RAD51AP1: variants seen among roughly 807,000 people sequenced by gnomAD.
RAD51AP1 encodes RAD51 associated protein 1, also known as RAD51-associated protein 1.
RAD51AP1 carries 14 observed loss-of-function variants against 34.3 expected under a neutral mutation model. That is an observed-to-expected ratio of 0.41 (90% confidence interval 0.27 to 0.64). RAD51AP1 has a LOEUF of 0.64. Ranked by LOEUF, RAD51AP1 falls within the 30% of genes least tolerant of loss-of-function variation. The probability of loss-of-function intolerance (pLI) is 0.33; values close to 1 mark genes in which losing one functional copy is unlikely to be tolerated. For synonymous variants in RAD51AP1, 114 were observed against 129.8 expected (o/e 0.88, Z 0.83); for missense variants, 348 against 386.9 (o/e 0.90, Z 0.84).
At position 4,543,847 on chromosome 12, in the gene RAD51AP1, A is replaced by G. The variant is rs771213526; in HGVS notation, c.152A>G (p.Asn51Ser). ...TTAAAACAAGATAAACCAAAACCTA[A>G]CTTGAACAATCTCCGGAAAGAAGAA... ...KELKQDKPKP[N>S]LNNLRKEEIP... The change falls in exon 3 of 9, where the codon AAC (asparagine) becomes AGC (serine). Residue 51 changes from asparagine (N) to serine (S), a missense_variant. Asn to Ser is a conservative substitution (Grantham distance 46, BLOSUM62 1). Coordinates refer to ENST00000352618, the MANE Select transcript of RAD51AP1 (RefSeq NM_006479.5). The G allele has an allele frequency of 1.2e-6, 2 of 1,612,940 alleles. No individual in the cohort carries two copies. The highest frequency in any genetic ancestry group is 1.7e-6 in the Non-Finnish European group (2 of 1,179,196).
chr12:4,538,909 G>T lies in RAD51AP1; in HGVS notation c.-31G>T. ...GCCGCTGAAGCCAACAAGAATTTGA[G>T]AACTGTAAATACCAAGCCTTGAAAG... On this transcript the variant is annotated 5_prime_UTR_variant, in exon 1 of 9. Coordinates refer to ENST00000352618, the MANE Select transcript of RAD51AP1 (RefSeq NM_006479.5). 4 of 1,613,098 alleles carry T rather than the reference G, an allele frequency of 2.5e-6. No homozygotes were observed. Among genetic ancestry groups the T allele is most frequent in the African/African-American group, 1.3e-5 (1 of 75,032 alleles).
At chr12:4,554,173 A>G (rs1382792223) in intron 7 of RAD51AP1, among the ~76,000 whole-genome samples, 2 of 152,164 alleles carry the variant, frequency 1.3e-5, no homozygotes, top group Non-Finnish European at 2.9e-5. Flanking sequence ...AGGCTCTAGG[A>G]GACAAACCAC....
intron 6 of RAD51AP1, among the ~76,000 whole-genome samples, chr12:4,549,991 G>A (rs1180688716): frequency 2.6e-5 from 4 of 152,116 alleles, no homozygotes; most frequent in African/African-American, 9.7e-5. Context: ...CCCTGCATTC[G>A]CTTGTCCTGG....
In RAD51AP1 at chr12:4,548,195, A is replaced by G; in HGVS notation, c.406+17A>G. 6.3e-7 allele frequency: 1 copy of G among 1,584,514 alleles called. No homozygotes were observed. The highest frequency in any genetic ancestry group is 8.5e-7 in the Non-Finnish European group (1 of 1,171,618). Reference sequence around the variant, plus strand: ...ATTATTTAGGTAAGTTTTTTATATTAATAATTTTTCTCATCAACAATGCTG... The same window carrying G: ...ATTATTTAGGTAAGTTTTTTATATTGATAATTTTTCTCATCAACAATGCTG... On this transcript the variant is annotated intron_variant, in intron 5 of 8. Transcript: ENST00000352618.
intron 7 of RAD51AP1, chr12:4,553,395 G>A: frequency 4.3e-6 from 1 of 231,348 alleles, no homozygotes; most frequent in East Asian, 8.8e-5. Context: ...GTGGTTAGCT[G>A]TTGTCACCTG....
chr12:4,543,122 G>A (rs889606037), intron 2 of RAD51AP1, among the ~76,000 whole-genome samples: 2 of 152,028 alleles, frequency 1.3e-5, no homozygotes, highest in African/African-American at 4.8e-5. Flanking sequence ...GTGCAACAGC[G>A]CGATCTTGGC....
rs1167795956 is a variant in RAD51AP1 at position 4,550,271 on chromosome 12, G to A, written c.556+1435G>A. Among the ~76,000 whole-genome samples the A allele has an allele frequency of 2.0e-5, 3 of 152,210 alleles. No homozygotes were observed. The East Asian group carries it at 5.8e-4, about 29-fold the overall frequency. The stretch of plus-strand genomic sequence containing the variant: ...AGCTTGTTACACAGAAATGTTGCCA[G>A]GGCCTACTGTTTATCCTCTTGAGCC... On this transcript the variant is annotated intron_variant, in intron 6 of 8. Coordinates refer to ENST00000352618, the MANE Select transcript of RAD51AP1 (RefSeq NM_006479.5).
At chr12:4,540,518 A>G (rs1460932350) in intron 1 of RAD51AP1, among the ~76,000 whole-genome samples, 1 of 151,736 alleles carries the variant, frequency 6.6e-6, no homozygotes, top group East Asian at 1.9e-4. Flanking sequence ...TTGTACTACT[A>G]GTCTTTGCAA....
chr12:4,547,325 A>T (rs955150772), intron 4 of RAD51AP1, among the ~76,000 whole-genome samples: 2 of 152,160 alleles, frequency 1.3e-5, no homozygotes, highest in African/African-American at 4.8e-5. Flanking sequence ...CAGCCTCCCA[A>T]AGTGCTGGGA....
Position 4,552,208 on chromosome 12 carries a change from A to G in RAD51AP1, c.557-775A>G, listed in dbSNP as rs114685450. Among the ~76,000 whole-genome samples, 1,228 of 152,340 alleles carry G rather than the reference A, an allele frequency of 8.1e-3. 20 individuals carry two copies. Among genetic ancestry groups the G allele is most frequent in the African/African-American group, 0.027 (1,137 of 41,580 alleles). On this transcript the variant is annotated intron_variant, in intron 6 of 8. Coordinates refer to ENST00000352618, the MANE Select transcript of RAD51AP1 (RefSeq NM_006479.5). ...TATTAATATAGGACTAACCCTATTT[A>G]CACTTAGTTTTCAGAGTTTATCTAC...
chr12:4,541,330 T>A (rs1944465156), intron 1 of RAD51AP1, among the ~76,000 whole-genome samples: 1 of 152,186 alleles, frequency 6.6e-6, no homozygotes, highest in African/African-American at 2.4e-5. Context: ...AGGAACAAGG[T>A]CACTCACCAT....
chr12:4,543,439 G>A (rs1944483590), intron 2 of RAD51AP1, among the ~76,000 whole-genome samples: 1 of 152,136 alleles, frequency 6.6e-6, no homozygotes, highest in African/African-American at 2.4e-5. Flanking sequence ...ACTTTTCAAT[G>A]TGATTAAATT....
At chr12:4,549,401 A>G (rs1433644592) in intron 6 of RAD51AP1, among the ~76,000 whole-genome samples, 1 of 152,252 alleles carries the variant, frequency 6.6e-6, no homozygotes, top group African/African-American at 2.4e-5. Context: ...TCATAAATTC[A>G]TAAATGTAGG....
At chr12:4,549,182 T>C (rs1197376252) in intron 6 of RAD51AP1, among the ~76,000 whole-genome samples, 1 of 152,170 alleles carries the variant, frequency 6.6e-6, no homozygotes, top group Admixed American at 6.5e-5. Flanking sequence ...GGGAGGCTGG[T>C]ACTAATCAGG....
chr12:4,544,897 C>T (rs1420019974), intron 3 of RAD51AP1, among the ~76,000 whole-genome samples: 2 of 152,038 alleles, frequency 1.3e-5, no homozygotes, highest in African/African-American at 2.4e-5. Context: ...TACTTCACAC[C>T]CACTAGATGA....
At chr12:4,543,680 A>G in intron 2 of RAD51AP1, 83 bp from the exon 3 acceptor site, 1 of 975,452 alleles carries the variant, frequency 1.0e-6, no homozygotes, top group Admixed American at 3.1e-5. Flanking sequence ...CCTAGCCTAT[A>G]AAAACTTGAA....
chr12:4,557,177 T>C (rs1944588631), intron 8 of RAD51AP1, among the ~76,000 whole-genome samples: 1 of 152,224 alleles, frequency 6.6e-6, no homozygotes, highest in South Asian at 2.1e-4. Context: ...ACTTTTTGTC[T>C]CTCAAACATG....
chr12:4,545,124 A>G, intron 3 of RAD51AP1: 1 of 409,876 alleles, frequency 2.4e-6, no homozygotes, highest in South Asian at 1.8e-5. Flanking sequence ...AACATTATTC[A>G]TAATAGCTAA....
Position 4,538,956 on chromosome 12 carries a change from G to C in RAD51AP1, c.17G>C (p.Arg6Thr). 1 of 1,613,904 alleles carries C rather than the reference G, an allele frequency of 6.2e-7. No individual in the cohort carries two copies. Among genetic ancestry groups the C allele is most frequent in the Non-Finnish European group, 8.5e-7 (1 of 1,179,744 alleles). MVRPV[R>T]HKKPVNYSQF... is the part of the protein sequence containing the mutation. Reference sequence around the variant, plus strand: ...AAAGGGACCATGGTGCGGCCTGTGAGGTGGGTAGTTCCTGACATTCGTCGG... The same window carrying C: ...AAAGGGACCATGGTGCGGCCTGTGACGTGGGTAGTTCCTGACATTCGTCGG... Residue 6 changes from arginine (R) to threonine (T), a missense_variant and splice_region_variant, in exon 1 of 9, where the codon AGA (arginine) becomes ACA (threonine). Arg to Thr is a moderately conservative substitution (Grantham distance 71). Transcript: ENST00000352618.
Sources: gnomAD v4.1 joint callset for allele counts (sites outside exome capture counted in the v4.1 genomes callset) on GRCh38, gnomAD v4.1.1 for gene constraint, MANE v1.5 for transcripts, NCBI Gene and HGNC (gene_info 2026-07-23, HGNC 2026-07-21) for gene names.